USP8: variants seen among roughly 807,000 people sequenced by gnomAD.
USP8 encodes ubiquitin carboxyl-terminal hydrolase 8.
USP8 carries 27 observed loss-of-function variants against 130.0 expected under a neutral mutation model. The ratio of observed to expected loss-of-function variants is 0.21; its 90% CI spans 0.15 to 0.29. USP8 has a LOEUF of 0.29. USP8 is among the 10% of genes least tolerant of loss of function. USP8 has a pLI of 1.00. For synonymous variants in USP8, 392 were observed against 444.1 expected (o/e 0.88, Z 1.48); for missense variants, 1,029 against 1,312.2 (o/e 0.78, Z 3.33).
At chr15:50,444,795 C>T (rs1047487780) in intron 3 of USP8, among the ~76,000 whole-genome samples, 4 of 152,190 alleles carry the variant, frequency 2.6e-5, no homozygotes, top group Admixed American at 6.5e-5. Flanking sequence ...TCACTTCCGT[C>T]ACCCAGGTTG....
At chr15:50,496,199 G>A (rs545084054) in intron 17 of USP8, 115 bp downstream of exon 17, 54 of 890,146 alleles carry the variant, frequency 6.1e-5, no homozygotes, top group Non-Finnish European at 7.9e-5. Flanking sequence ...AGTAAAACTC[G>A]GCCGGGCGCA....
Position 50,498,605 on chromosome 15 carries a change from C to T in USP8, c.3048C>T (p.Tyr1016=), listed in dbSNP as rs145863722. 4.5e-5 allele frequency: 73 copies of T among 1,607,000 alleles called. No homozygotes were observed. The highest frequency in any genetic ancestry group is 5.8e-5 in the Non-Finnish European group (68 of 1,177,528). The change falls in exon 19 of 20, where the codon TAC becomes TAT. Residue 1016 remains tyrosine (Y), a synonymous_variant. Coordinates refer to ENST00000307179, the MANE Select transcript of USP8 (RefSeq NM_005154.5). ...ATGTTTTGTTCTGCAGTTTTTCCTA[C>T]GATGGCAGGTGGAAACAAAAATTAC... ...VLLVHLKRFS[Y]DGRWKQKLQT... is the part of the protein sequence containing the mutation.
chr15:50,468,544 A>G (rs1319935521), intron 7 of USP8, among the ~76,000 whole-genome samples: 3 of 151,912 alleles, frequency 2.0e-5, no homozygotes, highest in African/African-American at 4.8e-5. Context: ...TGCCCAGCCT[A>G]TTTCTTTTTT....
intron 6 of USP8, chr15:50,463,414 C>T (rs1595939468): frequency 6.6e-6 from 1 of 152,160 alleles, no homozygotes; most frequent in South Asian, 2.1e-4. Flanking sequence ...CGCCCGATCT[C>T]GGGAGCGAAG....
intron 9 of USP8, 45 bp from the exon 10 acceptor site, chr15:50,477,231 T>G: frequency 6.5e-7 from 1 of 1,533,992 alleles, no homozygotes; most frequent in Non-Finnish European, 8.9e-7. Flanking sequence ...GTACTGTGTA[T>G]GGGGTTTGCT....
chr15:50,444,629 C>A lies in USP8; in HGVS notation c.249+3136C>A, dbSNP rs555318223. On this transcript the variant is annotated intron_variant, in intron 3 of 19. Transcript: ENST00000307179. ...GCAGAGAAGTCCAGGCTGAGACGCT[C>A]CCTGCAAAGGCTCAGGTAACTTAGG... 39 of 152,190 alleles carry A rather than the reference C, an allele frequency of 2.6e-4. 1 individual carries two copies. Among genetic ancestry groups the A allele is most frequent in the African/African-American group, 8.9e-4 (37 of 41,526 alleles). The allele number at this position is 152,190 out of a possible 1,614,324, so 9.4% of individuals were successfully genotyped here.
intron 3 of USP8, among the ~76,000 whole-genome samples, chr15:50,442,176 G>T (rs892769237): frequency 1.3e-5 from 2 of 151,940 alleles, no homozygotes; most frequent in African/African-American, 4.8e-5. Flanking sequence ...GTTTCTCCAT[G>T]TTGGTCAGGC....
rs1167545384 is a variant in USP8, at chr15:50,497,132, A to C, written c.2939A>C (p.Asn980Thr). 1 of 1,608,816 alleles carries C rather than the reference A, an allele frequency of 6.2e-7. No individual in the cohort carries two copies. Among genetic ancestry groups the C allele is most frequent in the Admixed American group, 1.7e-5 (1 of 58,978 alleles). Residue 980 changes from asparagine to threonine, a missense_variant, in exon 18 of 20, where the codon AAC (asparagine) becomes ACC (threonine). Physicochemically the swap from Asn to Thr is moderately conservative, Grantham distance 65. Transcript: ENST00000307179. ...LFSKEEKLTD[N>T]NRFYCSHCRA... ...TCCAAAGAAGAAAAACTCACAGATA[A>C]CAACAGATTTTACTGCAGTCATTGC...
At chr15:50,494,556 A>G (rs2052299469) in intron 16 of USP8, among the ~76,000 whole-genome samples, 1 of 152,280 alleles carries the variant, frequency 6.6e-6, no homozygotes, top group African/African-American at 2.4e-5. Flanking sequence ...AAGTAAAATC[A>G]TAAACAAATG....
chr15:50,461,959 G>T (rs957417769), intron 5 of USP8, among the ~76,000 whole-genome samples: 3 of 152,114 alleles, frequency 2.0e-5, no homozygotes, highest in Admixed American at 6.5e-5. Context: ...ATTTTTGTTT[G>T]ATTGTAAGAA....
chr15:50,457,202 T>A (rs886356601), intron 4 of USP8, among the ~76,000 whole-genome samples: 4 of 152,230 alleles, frequency 2.6e-5, no homozygotes, highest in Non-Finnish European at 4.4e-5. Flanking sequence ...TAGTCACCAT[T>A]TCTATTGTAT....
At position 50,427,828 on chromosome 15, in the gene USP8, G is replaced by C. The variant is rs535037819; in HGVS notation, c.-66+3314G>C. Among the ~76,000 whole-genome samples the C allele has an allele frequency of 7.8e-4, 118 of 151,420 alleles. 2 individuals carry two copies. Among genetic ancestry groups the C allele is most frequent in the African/African-American group, 2.8e-3 (116 of 41,242 alleles). ...CCCGCCTCAGCCTCCCAAAGTGCTG[G>C]GATTATAGCCGTGAGCCACCATACC... On this transcript the variant is annotated intron_variant, in intron 1 of 19. Transcript: ENST00000307179.
Position 50,494,238 on chromosome 15 carries a change from G to T in USP8, c.2616G>T (p.Leu872Phe). 1.2e-6 allele frequency: 2 copies of T among 1,612,490 alleles called. No homozygotes were observed. Among genetic ancestry groups the T allele is most frequent in the Non-Finnish European group, 1.7e-6 (2 of 1,179,676 alleles). Residue 872 changes from leucine to phenylalanine, a missense_variant, in exon 16 of 20, where the codon TTG becomes TTT. By Grantham distance (22) the Leu-to-Phe change is conservative. Transcript: ENST00000307179. ...ACAGTCAGCAAGATTCACAAGAATTGCTTCTGTTCCTAATGGATGGTCTCC... is the reference window on the plus strand; with the variant it reads ...ACAGTCAGCAAGATTCACAAGAATTTCTTCTGTTCCTAATGGATGGTCTCC... ...AGYSQQDSQE[L>F]LLFLMDGLHE...
Position 50,508,172 on chromosome 15 carries a change from T to C in USP8, c.*9084T>C, listed in dbSNP as rs2052689679. The C allele has an allele frequency of 7.3e-6, 1 of 137,884 alleles. No homozygotes were observed. Among genetic ancestry groups the C allele is most frequent in the Non-Finnish European group, 1.6e-5 (1 of 63,236 alleles). 8.5% of individuals were successfully genotyped at this position (137,884 alleles called of 1,614,324 possible). On this transcript the variant is annotated 3_prime_UTR_variant, in exon 20 of 20. Coordinates refer to ENST00000307179, the MANE Select transcript of USP8 (RefSeq NM_005154.5). Reference sequence around the variant, plus strand: ...TACAAAATGATACCCCCACAAAAAATCAATACTTTTGGAAATTAAAAAAAC... The same window carrying C: ...TACAAAATGATACCCCCACAAAAAACCAATACTTTTGGAAATTAAAAAAAC...
chr15:50,472,132 C>G (rs2051398851), intron 8 of USP8, among the ~76,000 whole-genome samples: 1 of 151,864 alleles, frequency 6.6e-6, no homozygotes, highest in African/African-American at 2.4e-5. Context: ...AACTCCTGAC[C>G]TCAGTTGATC....
At chr15:50,474,142 C>T (rs1425425809) in intron 8 of USP8, among the ~76,000 whole-genome samples, 3 of 152,054 alleles carry the variant, frequency 2.0e-5, no homozygotes, top group East Asian at 3.9e-4. Context: ...GTAGCTGAGG[C>T]GTGCGTCACC....
rs1430533787 is a variant in USP8, at chr15:50,503,975, C to CA, written c.*4890dup. On this transcript the variant is annotated 3_prime_UTR_variant, in exon 20 of 20. Coordinates refer to ENST00000307179, the MANE Select transcript of USP8 (RefSeq NM_005154.5). ...TTTAAATATATTTAGAAGAAGGAAA[C>CA]AAACTTTAGAAACTAAATAGAATTT... 6.6e-6 allele frequency: 1 copy of CA among 151,984 alleles called. No homozygotes were observed. Among genetic ancestry groups the CA allele is most frequent in the Non-Finnish European group, 1.5e-5 (1 of 67,988 alleles). 9.4% of individuals were successfully genotyped at this position (151,984 alleles called of 1,614,324 possible).
At chr15:50,442,512 G>A (rs935725714) in intron 3 of USP8, among the ~76,000 whole-genome samples, 32 of 152,174 alleles carry the variant, frequency 2.1e-4, no homozygotes, top group African/African-American at 7.7e-4. Flanking sequence ...AGGAGGCCAA[G>A]GTGGGTGGAT....
chr15:50,495,368 A>G (rs982584634), intron 16 of USP8, among the ~76,000 whole-genome samples: 5 of 151,176 alleles, frequency 3.3e-5, no homozygotes, highest in Non-Finnish European at 7.4e-5. Context: ...ATAGAGAGAG[A>G]GAGGCTAGGG....
Sources: gnomAD v4.1 joint callset for allele counts (sites outside exome capture counted in the v4.1 genomes callset) on GRCh38, gnomAD v4.1.1 for gene constraint, MANE v1.5 for transcripts, NCBI Gene and HGNC (gene_info 2026-07-23, HGNC 2026-07-21) for gene names.